Variants in ATP2B2 observed in about 807,000 individuals in gnomAD.
ATP2B2 encodes the protein ATPase plasma membrane Ca2+ transporting 2, also known as plasma membrane calcium-transporting ATPase 2.
ATP2B2 carries 15 observed loss-of-function variants against 120.0 expected under a neutral mutation model. The observed-to-expected ratio is 0.12, with a 90% CI of 0.08 to 0.19. The LOEUF is 0.19. Among genes scored for constraint, ATP2B2 ranks in the 10% least tolerant of loss-of-function variants. ATP2B2 has a pLI of 1.00. For missense variants in ATP2B2, 1,045 were observed against 1,719.8 expected, an observed-to-expected ratio of 0.61 and a Z score of 6.94; for synonymous variants, 694 against 700.3, an observed-to-expected ratio of 0.99 and a Z score of 0.14.
intron 1 of ATP2B2, among the ~76,000 whole-genome samples, chr3:10,680,295 C>T (rs1178165045): frequency 2.6e-5 from 4 of 152,032 alleles, no homozygotes; most frequent in Admixed American, 6.6e-5. Context: ...TTTCCTCCTG[C>T]TGCAAGAGCC....
intron 1 of ATP2B2, among the ~76,000 whole-genome samples, chr3:10,496,399 TC>T (rs2066149856): frequency 6.6e-6 from 1 of 152,092 alleles, no homozygotes; most frequent in East Asian, 1.9e-4. Flanking sequence ...GCACACAGCA[TC>T]CCACTCAGAA....
chr3:10,498,313 C>T (rs1384074849), intron 1 of ATP2B2, among the ~76,000 whole-genome samples: 1 of 152,244 alleles, frequency 6.6e-6, no homozygotes, highest in East Asian at 1.9e-4. Context: ...AACTACTGCG[C>T]TACATCAACG....
chr3:10,359,457 T>C (rs1014844108), intron 13 of ATP2B2, among the ~76,000 whole-genome samples: 5 of 152,052 alleles, frequency 3.3e-5, no homozygotes, highest in African/African-American at 1.2e-4. Context: ...GGGATTTGCT[T>C]AGTTCACCAG....
intron 1 of ATP2B2, among the ~76,000 whole-genome samples, chr3:10,492,044 A>G (rs2065952687): frequency 6.6e-6 from 1 of 152,248 alleles, no homozygotes; most frequent in Admixed American, 6.5e-5. Flanking sequence ...TCATTTTGCC[A>G]TAGATCCTTC....
intron 9 of ATP2B2, 139 bp downstream of exon 9, chr3:10,379,104 C>T: frequency 1.9e-6 from 2 of 1,033,648 alleles, no homozygotes; most frequent in African/African-American, 3.2e-5. Flanking sequence ...CACAGCTACA[C>T]CCCCAAGGTC....
At chr3:10,468,297 A>G (rs990178998) in intron 1 of ATP2B2, among the ~76,000 whole-genome samples, 11 of 152,212 alleles carry the variant, frequency 7.2e-5, no homozygotes, top group African/African-American at 2.4e-4. Context: ...GGCACAGTAC[A>G]GGGGCCATGG....
At chr3:10,465,295 C>T (rs886143599) in intron 1 of ATP2B2, among the ~76,000 whole-genome samples, 1 of 152,262 alleles carries the variant, frequency 6.6e-6, no homozygotes, top group African/African-American at 2.4e-5. Context: ...TCTCCTTGTC[C>T]CCAGCAATCA....
At chr3:10,542,101 AT>A (rs1487857317) in intron 2 of ATP2B2, among the ~76,000 whole-genome samples, 1 of 151,984 alleles carries the variant, frequency 6.6e-6, no homozygotes, top group Non-Finnish European at 1.5e-5. Context: ...TTTGCATGTG[AT>A]TTTTTCTATC....
chr3:10,409,271 C>G (rs1396927505), intron 3 of ATP2B2, among the ~76,000 whole-genome samples: 1 of 152,170 alleles, frequency 6.6e-6, no homozygotes, highest in Non-Finnish European at 1.5e-5. Context: ...CCAGAATTCT[C>G]GTAAAGAGAA....
intron 1 of ATP2B2, among the ~76,000 whole-genome samples, chr3:10,455,786 C>A (rs890796909): frequency 1.3e-5 from 2 of 151,206 alleles, no homozygotes; most frequent in Non-Finnish European, 3.0e-5. Flanking sequence ...CAGTGAGAAT[C>A]TCCTCCTTGT....
In ATP2B2 at chr3:10,411,144, G is replaced by A. The variant is rs1381969962; in HGVS notation, c.200-329C>T. ...AGAGCATCCAGGATTATCTGTCTGG[G>A]CCCTAAATGCAATGACAGGTGTCCT... On this transcript the variant is annotated intron_variant, in intron 2 of 22. Coordinates refer to ENST00000360273, the MANE Select transcript of ATP2B2 (RefSeq NM_001001331.4). Among the ~76,000 whole-genome samples the A allele has an allele frequency of 2.0e-5, 3 of 152,140 alleles. No homozygotes were observed. The East Asian group carries it at 5.8e-4, about 29-fold the overall frequency.
At chr3:10,394,344 C>A (rs139564896) in intron 5 of ATP2B2, 1 of 442,532 alleles carries the variant, frequency 2.3e-6, no homozygotes, top group Non-Finnish European at 4.7e-6. Flanking sequence ...AGGCAGTAGG[C>A]AAAGTGTCCC....
chr3:10,621,762 G>A (rs562290069), intron 1 of ATP2B2, among the ~76,000 whole-genome samples: 16 of 152,188 alleles, frequency 1.1e-4, no homozygotes, highest in Non-Finnish European at 2.4e-4. Flanking sequence ...TCCATGAGGC[G>A]GGCACTGCTA....
intron 14 of ATP2B2, among the ~76,000 whole-genome samples, chr3:10,356,430 T>C (rs1018736041): frequency 6.6e-6 from 1 of 152,180 alleles, no homozygotes; most frequent in Non-Finnish European, 1.5e-5. Flanking sequence ...AACAAAGAAA[T>C]AGAAGAACAG....
At chr3:10,610,959 G>A (rs570173028) in intron 2 of ATP2B2, among the ~76,000 whole-genome samples, 4 of 152,304 alleles carry the variant, frequency 2.6e-5, no homozygotes, top group South Asian at 2.1e-4. Context: ...CATCCTGCCC[G>A]GCTGGGCTCG....
At chr3:10,688,348 A>G (rs1053212000) in intron 1 of ATP2B2, among the ~76,000 whole-genome samples, 6 of 152,184 alleles carry the variant, frequency 3.9e-5, no homozygotes, top group African/African-American at 1.4e-4. Context: ...GGGCACATCA[A>G]TTTCAAGGGG....
At chr3:10,412,441 C>T (rs970033971) in intron 2 of ATP2B2, among the ~76,000 whole-genome samples, 10 of 152,136 alleles carry the variant, frequency 6.6e-5, no homozygotes, top group East Asian at 1.9e-4. Flanking sequence ...TGCCCCATGT[C>T]GCCCCAAGTA....
rs533134919 is a variant in ATP2B2 at position 10,693,882 on chromosome 3, C to T, written c.-460+14033G>A. Among the ~76,000 whole-genome samples, 4 of 152,318 alleles carry T rather than the reference C, an allele frequency of 2.6e-5. No individual in the cohort carries two copies. The East Asian group carries it at 7.7e-4, about 29-fold the overall frequency. The stretch of plus-strand genomic sequence containing the variant: ...TTGATATCAAATGATGTTCAGTGAT[C>T]ATCTCTGCATAAGCCTCTCTGGGCG... On this transcript the variant is annotated intron_variant, in intron 1 of 21. Transcript: ENST00000646379.
chr3:10,518,846 T>A (rs930592865), intron 3 of ATP2B2, among the ~76,000 whole-genome samples: 6 of 152,210 alleles, frequency 3.9e-5, no homozygotes, highest in African/African-American at 1.4e-4. Flanking sequence ...GGCAGGGATT[T>A]TGTTCTGTGT....
Sources: gnomAD v4.1 joint callset for allele counts (sites outside exome capture counted in the v4.1 genomes callset) on GRCh38, gnomAD v4.1.1 for gene constraint, MANE v1.5 for transcripts, NCBI Gene and HGNC (gene_info 2026-07-23, HGNC 2026-07-21) for gene names.